The following CTNNA2 variants were observed in gnomAD, a reference collection of about 807,000 sequenced individuals.
CTNNA2 encodes the protein catenin alpha 2.
CTNNA2 carries 42 observed loss-of-function variants against 101.0 expected under a neutral mutation model. The observed-to-expected ratio is 0.42, with a 90% CI of 0.32 to 0.54. The LOEUF (loss-of-function observed/expected upper bound fraction) is 0.54, where lower values mean the gene tolerates loss of function less well. Ranked by LOEUF, CTNNA2 falls within the 20% of genes least tolerant of loss-of-function variation. The pLI is 0.14. For missense variants in CTNNA2, 871 were observed against 1,223.1 expected, an observed-to-expected ratio of 0.71 and a Z score of 4.29; for synonymous variants, 450 against 456.4, an observed-to-expected ratio of 0.99 and a Z score of 0.18.
At chr2:79,491,971 A>G (rs957625954) in intron 4 of CTNNA2, among the ~76,000 whole-genome samples, 1 of 152,348 alleles carries the variant, frequency 6.6e-6, no homozygotes, top group Non-Finnish European at 1.5e-5. Flanking sequence ...ATGGATCACC[A>G]GAAAGAGGCA....
chr2:79,694,938 T>C (rs1016050585), intron 2 of CTNNA2, among the ~76,000 whole-genome samples: 34 of 151,814 alleles, frequency 2.2e-4, no homozygotes, highest in African/African-American at 8.0e-4. Context: ...CAGGCATCTG[T>C]TGTTACAGGA....
chr2:80,564,356 T>A (rs1693864955), intron 12 of CTNNA2, among the ~76,000 whole-genome samples: 1 of 152,182 alleles, frequency 6.6e-6, no homozygotes, highest in South Asian at 2.1e-4. Context: ...TATAAACCAT[T>A]TGTGATTATT....
intron 1 of CTNNA2, among the ~76,000 whole-genome samples, chr2:79,581,841 C>G (rs1190251283): frequency 6.6e-6 from 1 of 152,114 alleles, no homozygotes; most frequent in East Asian, 1.9e-4. Flanking sequence ...AAATGTTATG[C>G]TAACTTTCAC....
At chr2:79,839,576 T>G (rs192626235) in intron 3 of CTNNA2, among the ~76,000 whole-genome samples, 1 of 152,188 alleles carries the variant, frequency 6.6e-6, no homozygotes, top group Admixed American at 6.5e-5. Flanking sequence ...TCTTTACCCT[T>G]AACATACGTA....
intron 9 of CTNNA2, among the ~76,000 whole-genome samples, chr2:80,476,228 G>A (rs1488246349): frequency 6.6e-6 from 1 of 152,092 alleles, no homozygotes; most frequent in East Asian, 1.9e-4. Flanking sequence ...GAGAAGTCGG[G>A]CTGGAGCTTT....
intron 4 of CTNNA2, among the ~76,000 whole-genome samples, chr2:79,484,035 G>C (rs1671134340): frequency 6.6e-6 from 1 of 151,954 alleles, no homozygotes; most frequent in South Asian, 2.1e-4. Context: ...TTGATCCCAG[G>C]AATTCAAGAT....
intron 7 of CTNNA2, among the ~76,000 whole-genome samples, chr2:80,191,078 T>C (rs1170940996): frequency 6.6e-6 from 1 of 152,198 alleles, no homozygotes; most frequent in East Asian, 1.9e-4. Context: ...TCTATCATAG[T>C]CATATTTTAC....
intron 3 of CTNNA2, among the ~76,000 whole-genome samples, chr2:79,818,579 T>C (rs1200662426): frequency 6.6e-6 from 1 of 151,672 alleles, no homozygotes; most frequent in Admixed American, 6.6e-5. Context: ...CCTCCCAAAG[T>C]GCTGGGATTA....
At chr2:79,280,685 A>AGATCGAGAGAG (rs1553390858) in intron 2 of CTNNA2, among the ~76,000 whole-genome samples, 17 of 88,532 alleles carry the variant, frequency 1.9e-4, no homozygotes, top group Non-Finnish European at 3.4e-4. Context: ...GAGAGAGAGA[A>AGATCGAGAGAG]AGAGAGAGAG....
At chr2:79,550,206 A>G (rs895351013) in intron 1 of CTNNA2, among the ~76,000 whole-genome samples, 20 of 152,188 alleles carry the variant, frequency 1.3e-4, no homozygotes, top group Admixed American at 6.5e-5. Context: ...TACCTTTATG[A>G]TCTTCAGCTG....
At chr2:80,467,580 A>G (rs1307570209) in intron 9 of CTNNA2, among the ~76,000 whole-genome samples, 2 of 152,240 alleles carry the variant, frequency 1.3e-5, no homozygotes, top group Admixed American at 6.5e-5. Context: ...CCTAACATCT[A>G]TGAGTTAACA....
At chr2:79,347,286 A>C (rs1029120612) in intron 3 of CTNNA2, among the ~76,000 whole-genome samples, 1 of 152,192 alleles carries the variant, frequency 6.6e-6, no homozygotes, top group Non-Finnish European at 1.5e-5. Context: ...TTAAGAGCTT[A>C]AAGTCTCGAG....
chr2:80,376,525 G>A (rs1675970306), intron 7 of CTNNA2, among the ~76,000 whole-genome samples: 1 of 151,572 alleles, frequency 6.6e-6, no homozygotes, highest in Non-Finnish European at 1.5e-5. Context: ...AGTTTTATTA[G>A]TGTTTTAGCA....
At chr2:80,591,607 C>A (rs950535037) in intron 15 of CTNNA2, among the ~76,000 whole-genome samples, 3 of 151,700 alleles carry the variant, frequency 2.0e-5, no homozygotes, top group African/African-American at 7.3e-5. Context: ...AATTTTAGCT[C>A]CATAACTCTA....
chr2:80,331,019 ATG>A (rs1475922868), intron 7 of CTNNA2, among the ~76,000 whole-genome samples: 1 of 110,788 alleles, frequency 9.0e-6, no homozygotes, highest in South Asian at 2.8e-4. Context: ...TTTAAACTGT[ATG>A]TTTTTTTTTT....
At chr2:79,380,701 G>A (rs1349625827) in intron 4 of CTNNA2, among the ~76,000 whole-genome samples, 2 of 152,162 alleles carry the variant, frequency 1.3e-5, no homozygotes, top group Non-Finnish European at 1.5e-5. Context: ...AGGTGGGGAG[G>A]TTGTTCTCCA....
In CTNNA2 at chr2:79,777,325, TTATGTG is replaced by T. The variant is rs1286817716; in HGVS notation, c.298+32745_298+32750del. Among the ~76,000 whole-genome samples the T allele has an allele frequency of 5.9e-3, 733 of 124,426 alleles. 6 individuals are homozygous for T. The highest frequency in any genetic ancestry group is 7.6e-3 in the Non-Finnish European group (445 of 58,912). 81.6% of individuals were successfully genotyped at this position (124,426 alleles called of 152,430 possible). Reference sequence around the variant, plus strand: ...GCTCTTAGCCCATACCAAACACTTGTTATGTGTGTGTGTGTGTGTGTGTGTGTGTGT... The same window carrying T: ...GCTCTTAGCCCATACCAAACACTTGTTGTGTGTGTGTGTGTGTGTGTGTGT... On this transcript the variant is annotated intron_variant, in intron 3 of 18. Transcript: ENST00000402739.
At chr2:80,104,807 T>C (rs958459805) in intron 7 of CTNNA2, among the ~76,000 whole-genome samples, 14 of 152,246 alleles carry the variant, frequency 9.2e-5, no homozygotes, top group African/African-American at 3.4e-4. Context: ...CATTTTAAAG[T>C]GTTTTTAAAC....
intron 7 of CTNNA2, among the ~76,000 whole-genome samples, chr2:80,039,921 AG>A (rs1695927362): frequency 1.3e-5 from 2 of 152,382 alleles, no homozygotes; most frequent in African/African-American, 4.8e-5. Context: ...TAAAATAAAA[AG>A]TGAGATTCTC....
Sources: allele counts gnomAD v4.1 joint callset (sites outside exome capture counted in the v4.1 genomes callset), GRCh38; gene constraint gnomAD v4.1.1; transcripts MANE v1.5; gene names NCBI Gene and HGNC (gene_info 2026-07-23, HGNC 2026-07-21).